Variants in RRM2 observed in about 807,000 individuals in gnomAD.
RRM2 encodes the protein ribonucleotide reductase regulatory subunit M2.
A neutral mutation model predicts 45.9 loss-of-function variants in RRM2; 6 were observed. The ratio of observed to expected loss-of-function variants is 0.13; its 90% CI spans 0.07 to 0.26. RRM2 has a LOEUF of 0.26. RRM2 is among the 10% of genes least tolerant of loss of function. RRM2 has a pLI of 1.00. For synonymous variants in RRM2, 177 were observed against 173.0 expected (o/e 1.02, Z -0.18); for missense variants, 343 against 489.5 (o/e 0.70, Z 2.82).
intron 3 of RRM2, among the ~76,000 whole-genome samples, chr2:10,144,047 C>T (rs1663140823): frequency 6.6e-6 from 1 of 152,250 alleles, no homozygotes; most frequent in Non-Finnish European, 1.5e-5. Context: ...TGACAGAATG[C>T]ATGTCCGCTC....
At chr2:10,206,356 G>A (rs1361088426) in intron 3 of RRM2, among the ~76,000 whole-genome samples, 2 of 151,932 alleles carry the variant, frequency 1.3e-5, no homozygotes, top group Admixed American at 6.6e-5. Flanking sequence ...AAAAAGACTT[G>A]AATAAGATTT....
intron 3 of RRM2, among the ~76,000 whole-genome samples, chr2:10,162,328 C>T (rs956457657): frequency 3.3e-5 from 5 of 152,162 alleles, no homozygotes; most frequent in East Asian, 1.9e-4. Flanking sequence ...CTTTGGGATG[C>T]GGCGTCTCGA....
exon 3 of RRM2, chr2:10,142,371 T>C: frequency 7.3e-7 from 1 of 1,371,536 alleles, no homozygotes. Flanking sequence ...AGTTGCAGCT[T>C]TCAGGTGAGA....
downstream of RRM2, among the ~76,000 whole-genome samples, chr2:10,136,170 A>C (rs1009579183): frequency 1.3e-5 from 2 of 152,224 alleles, no homozygotes; most frequent in Non-Finnish European, 2.9e-5. Flanking sequence ...GGGTGTGGTC[A>C]AATGACTGCT....
intron 3 of RRM2, among the ~76,000 whole-genome samples, chr2:10,175,419 G>A (rs369643405): frequency 6.6e-6 from 1 of 152,144 alleles, no homozygotes; most frequent in Non-Finnish European, 1.5e-5. Context: ...TAAGTGTACA[G>A]TTCAACGTTA....
At chr2:10,161,942 C>A (rs1042561687) in intron 3 of RRM2, among the ~76,000 whole-genome samples, 7 of 152,206 alleles carry the variant, frequency 4.6e-5, no homozygotes, top group Admixed American at 4.6e-4. Context: ...GTTGTCCAGG[C>A]AGAAAACCGG....
At chr2:10,182,378 CAAA>C (rs61108972) in intron 3 of RRM2, among the ~76,000 whole-genome samples, 3 of 151,556 alleles carry the variant, frequency 2.0e-5, no homozygotes, top group Admixed American at 6.6e-5. Flanking sequence ...AAAAAAAACC[CAAA>C]AAAAATCCCA....
intron 3 of RRM2, among the ~76,000 whole-genome samples, chr2:10,201,381 G>A (rs570139304): frequency 5.9e-5 from 9 of 152,218 alleles, no homozygotes; most frequent in African/African-American, 2.2e-4. Context: ...AGCAAACAAA[G>A]GACCAACAAT....
chr2:10,182,461 G>A (rs575740562), intron 3 of RRM2, among the ~76,000 whole-genome samples: 1 of 152,278 alleles, frequency 6.6e-6, no homozygotes, highest in East Asian at 1.9e-4. Context: ...AAGCCACTGA[G>A]TTTGTGGTAA....
chr2:10,194,856 C>G (rs1259077495), intron 3 of RRM2, among the ~76,000 whole-genome samples: 2 of 152,238 alleles, frequency 1.3e-5, no homozygotes, highest in Non-Finnish European at 2.9e-5. Flanking sequence ...TCCCTGCCTC[C>G]TTGGCATGGT....
In RRM2 at chr2:10,168,036, GT is replaced by G. The variant is rs746974999; in HGVS notation, n.482+25677del. Among the ~76,000 whole-genome samples, 322 of 134,394 alleles carry G rather than the reference GT, an allele frequency of 2.4e-3. 2 individuals are homozygous for G. Among genetic ancestry groups the G allele is most frequent in the Admixed American group, 4.0e-3 (54 of 13,600 alleles). 88.2% of individuals were successfully genotyped at this position (134,394 alleles called of 152,430 possible). A position where few individuals can be genotyped will look rare whatever the true frequency, so the allele number is the denominator to read the frequency against. Reference sequence around the variant, plus strand: ...CAGTAGAAAAGACAAAGGCTTTTCTGTTTTTTTTTTTTTTTTGCCTTAAGCA... The same window carrying G: ...CAGTAGAAAAGACAAAGGCTTTTCTGTTTTTTTTTTTTTTTGCCTTAAGCA... On this transcript the variant is annotated intron_variant and non_coding_transcript_variant, in intron 3 of 3. Coordinates refer to the RRM2 transcript ENST00000381786.
chr2:10,137,921 C>T (rs140496543), upstream of RRM2, among the ~76,000 whole-genome samples: 489 of 152,292 alleles, frequency 3.2e-3, 2 homozygotes, highest in African/African-American at 0.011. Context: ...TGATGTGGGT[C>T]CCAATGTTAC....
At chr2:10,175,437 C>G (rs548555623) in intron 3 of RRM2, among the ~76,000 whole-genome samples, 1 of 152,288 alleles carries the variant, frequency 6.6e-6, no homozygotes, top group East Asian at 1.9e-4. Flanking sequence ...TTATTAAATA[C>G]ATTCATAATG....
chr2:10,138,228 C>T (rs552242885), upstream of RRM2, among the ~76,000 whole-genome samples: 24 of 149,740 alleles, frequency 1.6e-4, no homozygotes, highest in Admixed American at 8.7e-4. Flanking sequence ...AGTGCAATGG[C>T]GCAATCTCAG....
intron 3 of RRM2, chr2:10,210,297 T>C: frequency 7.3e-7 from 1 of 1,362,338 alleles, no homozygotes; most frequent in Non-Finnish European, 9.8e-7. Context: ...AATCTTTCTT[T>C]CCTGTCCAAT....
chr2:10,122,573 C>T, upstream of RRM2: 1 of 1,442,868 alleles, frequency 6.9e-7, no homozygotes, highest in Non-Finnish European at 9.1e-7. Context: ...GCTTGAAAAT[C>T]GCGCGCGGCC....
intron 3 of RRM2, among the ~76,000 whole-genome samples, chr2:10,150,941 G>A (rs1663299987): frequency 1.3e-5 from 2 of 151,968 alleles, no homozygotes; most frequent in African/African-American, 4.8e-5. Context: ...AGCCTCCCAA[G>A]TAGCTGGGAT....
chr2:10,210,437 T>A lies in RRM2; in HGVS notation n.609T>A, dbSNP rs148091498. The A allele has an allele frequency of 1.7e-5, 23 of 1,367,850 alleles. No homozygotes were observed. In the African/African-American group the frequency reaches 3.1e-4, roughly 18 times the overall value. 84.7% of individuals were successfully genotyped at this position (1,367,850 alleles called of 1,614,324 possible). A position where few individuals can be genotyped will look rare whatever the true frequency, so the allele number is the denominator to read the frequency against. ...AGTCCCTTCCAGACAGGGACACCCC[T>A]GGAGCGACCCTGTTTCAGAATGAAG... On this transcript the variant is annotated non_coding_transcript_exon_variant, in exon 4 of 4. Transcript: ENST00000381786.
chr2:10,167,291 T>C (rs540873111), intron 3 of RRM2, among the ~76,000 whole-genome samples: 2 of 152,206 alleles, frequency 1.3e-5, no homozygotes, highest in South Asian at 2.1e-4. Context: ...GAAGGGCAAA[T>C]GACTGGAAGC....
Sources: allele counts gnomAD v4.1 joint callset (sites outside exome capture counted in the v4.1 genomes callset), GRCh38; gene constraint gnomAD v4.1.1; transcripts MANE v1.5; gene names NCBI Gene and HGNC (gene_info 2026-07-23, HGNC 2026-07-21).